The following STXBP5L variants were observed in gnomAD, a reference collection of about 807,000 sequenced individuals.
STXBP5L encodes syntaxin-binding protein 5-like.
STXBP5L carries 65 observed loss-of-function variants against 144.5 expected under a neutral mutation model. The ratio of observed to expected loss-of-function variants is 0.45; its 90% CI spans 0.37 to 0.55. STXBP5L has a LOEUF of 0.55. Ranked by LOEUF, STXBP5L falls within the 20% of genes least tolerant of loss-of-function variation. STXBP5L has a pLI of 0.00. For missense variants in STXBP5L, 1,298 were observed against 1,405.5 expected (o/e 0.92, Z 1.22); for synonymous variants, 505 against 469.6 (o/e 1.08, Z -0.97).
At chr3:121,014,440 T>G (rs1322154036) in intron 3 of STXBP5L, among the ~76,000 whole-genome samples, 3 of 152,034 alleles carry the variant, frequency 2.0e-5, no homozygotes, top group African/African-American at 7.2e-5. Context: ...CTGAGGTATT[T>G]CCTTCAGCAT....
At chr3:121,196,482 A>T (rs1452025505) in intron 9 of STXBP5L, among the ~76,000 whole-genome samples, 1 of 152,070 alleles carries the variant, frequency 6.6e-6, no homozygotes, top group Non-Finnish European at 1.5e-5. Flanking sequence ...CTTTCCTTTT[A>T]TCTGTGTTCA....
intron 18 of STXBP5L, among the ~76,000 whole-genome samples, chr3:121,273,659 T>A (rs887845153): frequency 6.6e-6 from 1 of 152,162 alleles, no homozygotes; most frequent in Non-Finnish European, 1.5e-5. Context: ...TTGATAGTGT[T>A]CAATAAGGGT....
intron 3 of STXBP5L, among the ~76,000 whole-genome samples, chr3:120,974,215 C>G (rs1198728407): frequency 6.6e-6 from 1 of 152,072 alleles, no homozygotes; most frequent in Non-Finnish European, 1.5e-5. Flanking sequence ...TGTTTCCTGA[C>G]TTTTTAATGA....
intron 18 of STXBP5L, among the ~76,000 whole-genome samples, chr3:121,260,765 A>C (rs139006198): frequency 1.7e-4 from 26 of 152,260 alleles, no homozygotes; most frequent in Non-Finnish European, 3.4e-4. Flanking sequence ...TATAAGCTCC[A>C]AGAGAATGCC....
At chr3:120,980,315 G>A (rs1167920913) in intron 3 of STXBP5L, among the ~76,000 whole-genome samples, 1 of 151,884 alleles carries the variant, frequency 6.6e-6, no homozygotes, top group African/African-American at 2.4e-5. Flanking sequence ...CTGTCAGTGG[G>A]GTGTTGAAAT....
intron 5 of STXBP5L, chr3:121,049,541 T>A (rs1376299203): frequency 6.5e-6 from 1 of 154,314 alleles, no homozygotes; most frequent in Non-Finnish European, 1.5e-5. Flanking sequence ...GTTGTGGATG[T>A]GGTCTGCCTC....
At chr3:121,013,977 C>A (rs1164016867) in intron 3 of STXBP5L, among the ~76,000 whole-genome samples, 2 of 151,776 alleles carry the variant, frequency 1.3e-5, no homozygotes, top group Non-Finnish European at 3.0e-5. Context: ...TGGGCTCTCT[C>A]TTCTGTTCCA....
intron 24 of STXBP5L, among the ~76,000 whole-genome samples, chr3:121,413,903 A>C (rs1463391808): frequency 6.6e-6 from 1 of 152,150 alleles, no homozygotes; most frequent in Non-Finnish European, 1.5e-5. Context: ...AAACTAAAAC[A>C]TATTTATTAT....
intron 19 of STXBP5L, among the ~76,000 whole-genome samples, chr3:121,281,428 C>T (rs1328848914): frequency 1.3e-5 from 2 of 151,944 alleles, no homozygotes; most frequent in African/African-American, 2.4e-5. Flanking sequence ...TTAGGAAAGA[C>T]AAGTTTGAAG....
chr3:120,983,320 C>T (rs1218533542), intron 3 of STXBP5L, among the ~76,000 whole-genome samples: 1 of 152,114 alleles, frequency 6.6e-6, no homozygotes, highest in Non-Finnish European at 1.5e-5. Context: ...GCAGGCGTCT[C>T]TCAGTGGGAT....
intron 20 of STXBP5L, among the ~76,000 whole-genome samples, chr3:121,351,377 G>T (rs1314903613): frequency 6.6e-6 from 1 of 152,084 alleles, no homozygotes; most frequent in South Asian, 2.1e-4. Context: ...CTAATGGGGG[G>T]TGCCTCCCAG....
At chr3:120,975,511 T>G (rs1366419816) in intron 3 of STXBP5L, among the ~76,000 whole-genome samples, 1 of 152,214 alleles carries the variant, frequency 6.6e-6, no homozygotes, top group Non-Finnish European at 1.5e-5. Flanking sequence ...TGACTTCCTC[T>G]TTTCCTAATT....
intron 19 of STXBP5L, among the ~76,000 whole-genome samples, chr3:121,317,808 T>C (rs2043834250): frequency 6.6e-6 from 1 of 151,980 alleles, no homozygotes; most frequent in Non-Finnish European, 1.5e-5. Flanking sequence ...AAGAGAAAAA[T>C]ATAGTGCTTA....
intron 5 of STXBP5L, among the ~76,000 whole-genome samples, chr3:121,085,714 G>C (rs1358398718): frequency 1.3e-5 from 2 of 152,160 alleles, no homozygotes; most frequent in African/African-American, 4.8e-5. Context: ...CTTGTGGATA[G>C]GAAGGATCAA....
intron 3 of STXBP5L, among the ~76,000 whole-genome samples, chr3:121,030,929 C>G (rs1213046925): frequency 1.3e-5 from 2 of 152,056 alleles, no homozygotes. Context: ...ACTGGGAGAG[C>G]TGGAAAAATG....
chr3:121,216,619 G>A (rs886802048), intron 10 of STXBP5L, among the ~76,000 whole-genome samples: 1 of 152,282 alleles, frequency 6.6e-6, no homozygotes, highest in Admixed American at 6.5e-5. Flanking sequence ...GGTGTCTGTC[G>A]ATCACTGCTG....
chr3:121,399,647 G>A (rs150055091), intron 22 of STXBP5L, among the ~76,000 whole-genome samples: 5,438 of 152,334 alleles, frequency 0.036, 146 homozygotes, highest in Middle Eastern at 0.082. Context: ...GCAGGAGCAT[G>A]TCCTTAAGGC....
intron 3 of STXBP5L, among the ~76,000 whole-genome samples, chr3:120,958,653 C>A (rs1290820853): frequency 6.6e-6 from 1 of 152,142 alleles, no homozygotes; most frequent in Admixed American, 6.5e-5. Flanking sequence ...AAGACAAAAA[C>A]CACATGATTA....
At chr3:121,139,063 G>A (rs923653500) in intron 7 of STXBP5L, among the ~76,000 whole-genome samples, 2 of 151,956 alleles carry the variant, frequency 1.3e-5, no homozygotes, top group African/African-American at 4.8e-5. Flanking sequence ...TAGCATTGTC[G>A]TTATTAGAAA....
Sources: allele counts gnomAD v4.1 joint callset (sites outside exome capture counted in the v4.1 genomes callset), GRCh38; gene constraint gnomAD v4.1.1; transcripts MANE v1.5; gene names NCBI Gene and HGNC (gene_info 2026-07-23, HGNC 2026-07-21).